RBFOX3: variants seen among roughly 807,000 people sequenced by gnomAD.
RBFOX3 encodes the protein RNA binding fox-1 homolog 3, also known as RNA binding protein fox-1 homolog 3.
Under a neutral mutation model 48.7 loss-of-function variants are expected in RBFOX3, and 17 were observed. The observed-to-expected ratio is 0.35, with a 90% CI of 0.24 to 0.52. The LOEUF (loss-of-function observed/expected upper bound fraction) is 0.52. RBFOX3 is among the 20% of genes least tolerant of loss of function. The probability of loss-of-function intolerance (pLI) is 0.94; values close to 1 mark genes in which losing one functional copy is unlikely to be tolerated. For synonymous variants in RBFOX3, 212 were observed against 209.5 expected (o/e 1.01, Z -0.10); for missense variants, 382 against 497.5 (o/e 0.77, Z 2.21).
chr17:79,254,636 T>C lies in RBFOX3; in HGVS notation c.-73-18831A>G, dbSNP rs911462695. Among the ~76,000 whole-genome samples, 18 of 152,194 alleles carry C rather than the reference T, an allele frequency of 1.2e-4. No individual in the cohort carries two copies. The highest frequency in any genetic ancestry group is 4.3e-4 in the African/African-American group (18 of 41,448). The stretch of plus-strand genomic sequence containing the variant: ...CTCCCACCTGCTTGGGTTGGTCTTA[T>C]GCCACCAGGGGCCACTTCTGAGCCC... On this transcript the variant is annotated intron_variant, in intron 3 of 14. Coordinates refer to ENST00000693108, the MANE Select transcript of RBFOX3 (RefSeq NM_001350451.2). This position sits in a 1 kb window ranked among gnomAD's most constrained non-coding sequence, Gnocchi z 4.8.
intron 4 of RBFOX3, among the ~76,000 whole-genome samples, chr17:79,154,349 C>A (rs2045285011): frequency 6.6e-6 from 1 of 152,230 alleles, no homozygotes; most frequent in Non-Finnish European, 1.5e-5. Context: ...CTGCTGTTAG[C>A]CCTCTGTCTC....
chr17:79,468,833 T>A (rs1237862882), intron 2 of RBFOX3, among the ~76,000 whole-genome samples: 4 of 146,882 alleles, frequency 2.7e-5, no homozygotes, highest in Non-Finnish European at 1.5e-5. Context: ...GATGGATGGA[T>A]GGATGGATGG....
intron 2 of RBFOX3, among the ~76,000 whole-genome samples, chr17:79,424,284 T>C (rs2066963705): frequency 6.6e-6 from 1 of 152,100 alleles, no homozygotes; most frequent in Admixed American, 6.5e-5. Flanking sequence ...CTCCCGCCCG[T>C]CCCAGGAGCA....
the RBFOX3 span, among the ~76,000 whole-genome samples, chr17:79,655,509 C>T: frequency 6.6e-6 from 1 of 152,190 alleles, no homozygotes; most frequent in African/African-American, 2.4e-5. Flanking sequence ...GCTCTGAAAG[C>T]CTAAAGTTTT....
intron 1 of RBFOX3, among the ~76,000 whole-genome samples, chr17:79,593,988 C>T (rs1320406524): frequency 6.6e-6 from 1 of 152,162 alleles, no homozygotes; most frequent in Non-Finnish European, 1.5e-5. Context: ...CTCCCTCTTC[C>T]TGAGATAGCT....
rs1426088274 is a variant in RBFOX3, at chr17:79,493,668, T to G, written c.-319-11070A>C. Among the ~76,000 whole-genome samples, 14 of 152,362 alleles carry G rather than the reference T, an allele frequency of 9.2e-5. No homozygotes were observed. The East Asian group carries it at 2.7e-3, about 29-fold the overall frequency. On this transcript the variant is annotated intron_variant, in intron 1 of 14. Transcript: ENST00000693108. ...TTGTAATTATATTTTCATTTGTTTCTGTCTCAGCCATGACCTATGAAGGCT... is the reference window on the plus strand; with the variant it reads ...TTGTAATTATATTTTCATTTGTTTCGGTCTCAGCCATGACCTATGAAGGCT...
chr17:79,298,700 C>T (rs2278967), intron 3 of RBFOX3, among the ~76,000 whole-genome samples: 4 of 151,948 alleles, frequency 2.6e-5, no homozygotes, highest in East Asian at 3.9e-4. Flanking sequence ...GTCATCTCGC[C>T]GGCAGGGCCC....
chr17:79,470,498 ATTC>A (rs2076929872), intron 2 of RBFOX3, among the ~76,000 whole-genome samples: 1 of 152,196 alleles, frequency 6.6e-6, no homozygotes, highest in Non-Finnish European at 1.5e-5. Context: ...TGGCATTAAA[ATTC>A]TTCTACTCCA....
intron 1 of RBFOX3, among the ~76,000 whole-genome samples, chr17:79,593,146 G>A (rs2093471009): frequency 6.6e-6 from 1 of 152,092 alleles, no homozygotes. Flanking sequence ...AGAGGAACAT[G>A]TGTGTCCACA....
intron 4 of RBFOX3, among the ~76,000 whole-genome samples, chr17:79,197,705 T>C (rs2055930801): frequency 6.6e-6 from 1 of 152,038 alleles, no homozygotes; most frequent in African/African-American, 2.4e-5. Flanking sequence ...AGAAAACAGA[T>C]ATTTCTTTCT....
chr17:79,656,680 G>GAGAAGAAAGGAAA, the RBFOX3 span, among the ~76,000 whole-genome samples: 542 of 47,222 alleles, frequency 0.011, 7 homozygotes, highest in African/African-American at 0.024. Context: ...AAAGAAGGAA[G>GAGAAGAAAGGAAA]GAGGGAAGGA....
intron 2 of RBFOX3, among the ~76,000 whole-genome samples, chr17:79,389,706 G>T (rs1300558859): frequency 6.6e-6 from 1 of 152,202 alleles, no homozygotes; most frequent in Non-Finnish European, 1.5e-5. Flanking sequence ...TTTCTTGTAC[G>T]TTCCTGGGGA....
At chr17:79,576,361 A>C (rs1261839989) in intron 1 of RBFOX3, among the ~76,000 whole-genome samples, 2 of 151,980 alleles carry the variant, frequency 1.3e-5, no homozygotes, top group Non-Finnish European at 2.9e-5. Context: ...ATGATGGAGA[A>C]GCTGGAGATC....
At chr17:79,650,504 C>T in the RBFOX3 span, among the ~76,000 whole-genome samples, 477 of 152,250 alleles carry the variant, frequency 3.1e-3, 5 homozygotes, top group African/African-American at 0.011. Flanking sequence ...CCACGCCGCT[C>T]TCCCACCCAC....
At chr17:79,512,273 G>A (rs907782471) in intron 1 of RBFOX3, among the ~76,000 whole-genome samples, 8 of 131,376 alleles carry the variant, frequency 6.1e-5, no homozygotes, top group South Asian at 5.1e-4. Flanking sequence ...ATATACACCC[G>A]GATACATATT....
chr17:79,576,427 TGAA>T (rs2092860308), intron 1 of RBFOX3, among the ~76,000 whole-genome samples: 1 of 151,492 alleles, frequency 6.6e-6, no homozygotes, highest in African/African-American at 2.4e-5. Context: ...ATGGAGATGA[TGAA>T]GAAGACGGAG....
At chr17:79,322,944 T>C (rs1007741133) in intron 2 of RBFOX3, among the ~76,000 whole-genome samples, 14 of 152,228 alleles carry the variant, frequency 9.2e-5, no homozygotes, top group Non-Finnish European at 1.9e-4. Context: ...TGGCACTGCA[T>C]GTGGCCAGCT....
chr17:79,315,555 C>T (rs1425811101), intron 2 of RBFOX3, among the ~76,000 whole-genome samples: 1 of 152,200 alleles, frequency 6.6e-6, no homozygotes, highest in African/African-American at 2.4e-5. Flanking sequence ...CTGGCCACTG[C>T]GGCCAGACAG....
the RBFOX3 span, among the ~76,000 whole-genome samples, chr17:79,620,528 CGCGCACAT>C: frequency 6.6e-6 from 1 of 151,184 alleles, no homozygotes; most frequent in Non-Finnish European, 1.5e-5. Context: ...CACATGCATA[CGCGCACAT>C]GCACACACGC....
Sources: gnomAD v4.1 joint callset for allele counts (sites outside exome capture counted in the v4.1 genomes callset) on GRCh38, gnomAD v4.1.1 for gene constraint, Gnocchi (gnomAD v3.1) non-coding constraint, MANE v1.5 for transcripts, NCBI Gene and HGNC (gene_info 2026-07-23, HGNC 2026-07-21) for gene names.